Variants in ZPBP observed in about 807,000 individuals in gnomAD.
ZPBP encodes zona pellucida binding protein, also known as zona pellucida-binding protein 1.
ZPBP carries 26 observed loss-of-function variants against 44.8 expected under a neutral mutation model. The ratio of observed to expected loss-of-function variants is 0.58; its 90% CI spans 0.43 to 0.81. ZPBP has a LOEUF of 0.81. Ranked by LOEUF, ZPBP falls within the 30% of genes least tolerant of loss-of-function variation. The probability of loss-of-function intolerance (pLI) is 0.00; values close to 1 mark genes in which losing one functional copy is unlikely to be tolerated. For missense variants in ZPBP, 409 were observed against 434.0 expected (o/e 0.94, Z 0.51); for synonymous variants, 174 against 153.2 (o/e 1.14, Z -1.00).
intron 2 of ZPBP, among the ~76,000 whole-genome samples, chr7:49,899,695 G>T (rs1792603158): frequency 6.6e-6 from 1 of 151,920 alleles, no homozygotes; most frequent in Admixed American, 6.6e-5. Flanking sequence ...AGAACTGCAA[G>T]AAGAAACAGG....
Position 49,947,203 on chromosome 7 carries a change from A to C in ZPBP, c.962-9581T>G, listed in dbSNP as rs116289174. 4.2e-3 allele frequency among the ~76,000 whole-genome samples: 637 copies of C among 152,138 alleles called. 3 individuals are homozygous for C. The highest frequency in any genetic ancestry group is 0.015 in the African/African-American group (619 of 41,514). On this transcript the variant is annotated intron_variant, in intron 7 of 7. Coordinates refer to ENST00000046087, the MANE Select transcript of ZPBP (RefSeq NM_007009.3). ...TCCCAAGATTGATCACCGGTGCCCT[A>C]TTTAGTTCATTTGATGAGGTCATGT...
intron 7 of ZPBP, among the ~76,000 whole-genome samples, chr7:49,940,295 T>A (rs1486688188): frequency 1.3e-5 from 2 of 152,128 alleles, no homozygotes; most frequent in African/African-American, 4.8e-5. Context: ...AAAAAAATTG[T>A]AGCTATATAA....
At chr7:49,940,152 A>C (rs1394097831) in intron 7 of ZPBP, among the ~76,000 whole-genome samples, 1 of 152,152 alleles carries the variant, frequency 6.6e-6, no homozygotes, top group Non-Finnish European at 1.5e-5. Context: ...TGTTCTCTGC[A>C]GTGCACCTTC....
intron 3 of ZPBP, among the ~76,000 whole-genome samples, chr7:50,076,125 T>A (rs1477217801): frequency 1.3e-5 from 2 of 151,890 alleles, no homozygotes; most frequent in South Asian, 4.2e-4. Context: ...GCGTGATATA[T>A]CATGTTAACA....
intron 4 of ZPBP, among the ~76,000 whole-genome samples, chr7:50,037,978 T>C (rs541752778): frequency 6.6e-6 from 1 of 152,288 alleles, no homozygotes; most frequent in African/African-American, 2.4e-5. Flanking sequence ...GGCTACCTTC[T>C]TCCACCTAGT....
intron 7 of ZPBP, among the ~76,000 whole-genome samples, chr7:49,970,737 A>G (rs1481606589): frequency 6.6e-6 from 1 of 151,768 alleles, no homozygotes; most frequent in Non-Finnish European, 1.5e-5. Context: ...AAAAGCAGCC[A>G]GGTGCAGTGG....
At chr7:49,902,783 T>C (rs1217893787) in intron 1 of ZPBP, among the ~76,000 whole-genome samples, 1 of 152,122 alleles carries the variant, frequency 6.6e-6, no homozygotes, top group Non-Finnish European at 1.5e-5. Context: ...TAAAATTTTT[T>C]TGAAATATAA....
intron 4 of ZPBP, among the ~76,000 whole-genome samples, chr7:50,040,305 A>G (rs190420424): frequency 1.4e-4 from 21 of 152,362 alleles, no homozygotes; most frequent in Non-Finnish European, 2.8e-4. Context: ...TATACCATGC[A>G]TACTGCAATC....
At chr7:49,854,819 T>A (rs999143475) in intron 2 of ZPBP, among the ~76,000 whole-genome samples, 10 of 152,220 alleles carry the variant, frequency 6.6e-5, no homozygotes, top group Non-Finnish European at 1.2e-4. Context: ...ATGCTCTAGA[T>A]AAATTGGTGC....
At chr7:49,892,280 T>C (rs550384830) in intron 2 of ZPBP, among the ~76,000 whole-genome samples, 108 of 151,990 alleles carry the variant, frequency 7.1e-4, no homozygotes, top group Middle Eastern at 3.4e-3. Context: ...TCTCCTGACC[T>C]CGTGATCTGC....
intron 4 of ZPBP, among the ~76,000 whole-genome samples, chr7:50,050,003 A>G (rs1305147021): frequency 2.6e-5 from 4 of 151,932 alleles, no homozygotes; most frequent in African/African-American, 9.7e-5. Context: ...TGTGTAATTA[A>G]AAGTTTAAAA....
chr7:49,994,681 T>G (rs1193516177), intron 6 of ZPBP, among the ~76,000 whole-genome samples: 1 of 152,186 alleles, frequency 6.6e-6, no homozygotes, highest in Non-Finnish European at 1.5e-5. Context: ...TCCGAAATTC[T>G]AAAGGCCTGT....
intron 1 of ZPBP, among the ~76,000 whole-genome samples, chr7:49,923,228 G>A (rs752325955): frequency 2.6e-4 from 39 of 151,974 alleles, no homozygotes; most frequent in Non-Finnish European, 5.4e-4. Flanking sequence ...GATGACAGAC[G>A]ATAAAACAAA....
At chr7:50,013,131 A>G (rs543596265) in intron 6 of ZPBP, among the ~76,000 whole-genome samples, 1 of 151,980 alleles carries the variant, frequency 6.6e-6, no homozygotes, top group East Asian at 1.9e-4. Context: ...TCAAATTGAT[A>G]TATTTAATTC....
intron 2 of ZPBP, among the ~76,000 whole-genome samples, chr7:49,857,823 A>C (rs994751417): frequency 1.3e-5 from 2 of 152,188 alleles, no homozygotes; most frequent in African/African-American, 4.8e-5. Context: ...AGTGAATCAG[A>C]GCTTCAATTT....
intron 3 of ZPBP, 63 bp downstream of exon 3, chr7:50,081,711 T>A: frequency 6.4e-7 from 1 of 1,572,908 alleles, no homozygotes; most frequent in South Asian, 1.1e-5. Flanking sequence ...ACAAACATTC[T>A]TTTTGTGTTG....
intron 4 of ZPBP, among the ~76,000 whole-genome samples, chr7:50,041,817 G>T (rs1328369022): frequency 3.9e-5 from 6 of 152,206 alleles, no homozygotes; most frequent in Admixed American, 3.9e-4. Flanking sequence ...ACTGGACAGA[G>T]AATGAGTTTG....
At chr7:50,035,869 C>T (rs1306264473) in intron 4 of ZPBP, among the ~76,000 whole-genome samples, 1 of 151,814 alleles carries the variant, frequency 6.6e-6, no homozygotes, top group African/African-American at 2.4e-5. Flanking sequence ...AATTATAAAA[C>T]AAAAACAGGT....
intron 3 of ZPBP, among the ~76,000 whole-genome samples, chr7:50,077,586 G>T (rs1802158710): frequency 6.6e-6 from 1 of 151,810 alleles, no homozygotes; most frequent in African/African-American, 2.4e-5. Context: ...ATTGGCAAAA[G>T]ATGTGAATAG....
Sources: gnomAD v4.1 joint callset for allele counts (sites outside exome capture counted in the v4.1 genomes callset) on GRCh38, gnomAD v4.1.1 for gene constraint, MANE v1.5 for transcripts, NCBI Gene and HGNC (gene_info 2026-07-23, HGNC 2026-07-21) for gene names.